The following LIPA variants were observed in gnomAD, a reference collection of about 807,000 sequenced individuals.
LIPA encodes the protein lipase A, lysosomal acid type, also known as lysosomal acid lipase/cholesteryl ester hydrolase.
LIPA carries 26 observed loss-of-function variants against 40.6 expected under a neutral mutation model. That is an observed-to-expected ratio of 0.64 (90% CI 0.47 to 0.89). The LOEUF (loss-of-function observed/expected upper bound fraction) is 0.89. LIPA is among the 40% of genes least tolerant of loss of function. The pLI is 0.00. For synonymous variants in LIPA, 188 were observed against 168.4 expected, an observed-to-expected ratio of 1.12 and a Z score of -0.90; for missense variants, 455 against 479.6, an observed-to-expected ratio of 0.95 and a Z score of 0.48.
At chr10:89,237,982 G>A (rs1842925926) in intron 3 of LIPA, among the ~76,000 whole-genome samples, 2 of 152,144 alleles carry the variant, frequency 1.3e-5, no homozygotes, top group African/African-American at 4.8e-5. Context: ...ACATCATGAA[G>A]GTCTGGAAGA....
chr10:89,215,959 C>T lies in LIPA; in HGVS notation c.945G>A (p.Lys315=), dbSNP rs750883960. 1 of 1,611,258 alleles carries T rather than the reference C, an allele frequency of 6.2e-7. No individual in the cohort carries two copies. Among genetic ancestry groups the T allele is most frequent in the East Asian group, 2.2e-5 (1 of 44,876 alleles). Residue 315 remains lysine (K), a synonymous_variant, in exon 9 of 10, where the codon AAG becomes AAA. Coordinates refer to ENST00000336233, the MANE Select transcript of LIPA (RefSeq NM_000235.4). ...FQAFDWGSSA[K]NYFHYNQSYP... ...TTACCTGGTTGTAATGAAAATAATT[C>T]TTGGCACTGCTTCCCCAGTCAAAGG...
intron 1 of LIPA, chr10:89,308,218 G>C (rs1254250236): frequency 6.6e-6 from 1 of 152,126 alleles, no homozygotes; most frequent in African/African-American, 2.4e-5. Flanking sequence ...TAGGGATAGG[G>C]GAAAAGTAAC....
intron 1 of LIPA, chr10:89,338,947 G>T: frequency 6.2e-7 from 1 of 1,614,122 alleles, no homozygotes; most frequent in Non-Finnish European, 8.5e-7. Context: ...AGTCACTTGG[G>T]GAAACTACGC....
intron 2 of LIPA, chr10:89,403,018 C>A: frequency 1.9e-6 from 3 of 1,614,226 alleles, no homozygotes; most frequent in South Asian, 2.2e-5. Flanking sequence ...GCCAACATGT[C>A]CTCACAGACC....
intron 6 of LIPA, among the ~76,000 whole-genome samples, chr10:89,224,238 T>G (rs1281602232): frequency 6.6e-6 from 1 of 152,244 alleles, no homozygotes; most frequent in Non-Finnish European, 1.5e-5. Flanking sequence ...CCCATCTAAT[T>G]CAATGCTACT....
chr10:89,229,165 T>C (rs886716561), intron 3 of LIPA, among the ~76,000 whole-genome samples: 4 of 152,214 alleles, frequency 2.6e-5, no homozygotes, highest in Admixed American at 1.3e-4. Context: ...AATGGAGTAT[T>C]ACTCAGCCCT....
intron 2 of LIPA, chr10:89,403,059 C>G: frequency 6.2e-7 from 1 of 1,614,144 alleles, no homozygotes; most frequent in African/African-American, 1.3e-5. Context: ...CAAGTTTTAC[C>G]GAAGAAAAGG....
chr10:89,301,912 GA>G (rs945842677), intron 1 of LIPA: 1 of 508,680 alleles, frequency 2.0e-6, no homozygotes, highest in Non-Finnish European at 3.6e-6. Context: ...ATAATAAAAA[GA>G]AAAAAAGAAA....
At chr10:89,359,940 T>A (rs1329047938) in intron 2 of LIPA, among the ~76,000 whole-genome samples, 1 of 152,132 alleles carries the variant, frequency 6.6e-6, no homozygotes, top group Non-Finnish European at 1.5e-5. Context: ...GATCTCTTAT[T>A]GCGTTACCTC....
At chr10:89,254,262 C>A (rs1276618351), upstream of LIPA, among the ~76,000 whole-genome samples, 1 of 152,250 alleles carries the variant, frequency 6.6e-6, no homozygotes, top group Admixed American at 6.5e-5. Context: ...TCAGGCTTTT[C>A]CACACATCCT....
At chr10:89,411,420 T>G (rs1841468339) in intron 2 of LIPA, among the ~76,000 whole-genome samples, 1 of 152,218 alleles carries the variant, frequency 6.6e-6, no homozygotes, top group Non-Finnish European at 1.5e-5. Context: ...CTTAAAATAC[T>G]TACAGAATCA....
intron 1 of LIPA, chr10:89,301,984 G>A: frequency 1.3e-6 from 1 of 752,012 alleles, no homozygotes; most frequent in Non-Finnish European, 2.1e-6. Context: ...CAGCTGAAGG[G>A]AAACAAACAA....
At chr10:89,293,223 G>A (rs756220103) in intron 1 of LIPA, among the ~76,000 whole-genome samples, 56 of 152,110 alleles carry the variant, frequency 3.7e-4, no homozygotes, top group Admixed American at 9.2e-4. Context: ...TGTGAAGAAG[G>A]TGCCTTGCTT....
intron 2 of LIPA, among the ~76,000 whole-genome samples, chr10:89,358,602 T>A (rs1844002149): frequency 6.6e-6 from 1 of 152,192 alleles, no homozygotes; most frequent in Non-Finnish European, 1.5e-5. Flanking sequence ...TAAAAAAGAA[T>A]GAAATCCTGT....
At chr10:89,280,056 T>C (rs1843307489) in intron 1 of LIPA, among the ~76,000 whole-genome samples, 1 of 152,104 alleles carries the variant, frequency 6.6e-6, no homozygotes, top group Non-Finnish European at 1.5e-5. Flanking sequence ...GCCTATTAAA[T>C]GTTGTCCTTG....
intron 7 of LIPA, among the ~76,000 whole-genome samples, chr10:89,223,324 C>T (rs375415188): frequency 9.2e-5 from 14 of 152,124 alleles, no homozygotes; most frequent in East Asian, 3.9e-4. Context: ...CCCTCTCCCT[C>T]CTTCCTTTTG....
At chr10:89,374,342 C>T (rs767073281) in intron 2 of LIPA, among the ~76,000 whole-genome samples, 1 of 150,290 alleles carries the variant, frequency 6.7e-6, no homozygotes, top group Non-Finnish European at 1.5e-5. Context: ...GACACACACA[C>T]ACTCTCTCTC....
At chr10:89,274,527 T>C (rs937187058) in intron 1 of LIPA, among the ~76,000 whole-genome samples, 1 of 152,214 alleles carries the variant, frequency 6.6e-6, no homozygotes, top group African/African-American at 2.4e-5. Flanking sequence ...TCTGAGAAAC[T>C]AGGACACATC....
chr10:89,384,192 T>C (rs775553043), intron 2 of LIPA: 1 of 1,614,150 alleles, frequency 6.2e-7, no homozygotes, highest in Non-Finnish European at 8.5e-7. Context: ...AAATGGGGCT[T>C]TGCTACAGGG....
Sources: gnomAD v4.1 joint callset for allele counts (sites outside exome capture counted in the v4.1 genomes callset) on GRCh38, gnomAD v4.1.1 for gene constraint, MANE v1.5 for transcripts, NCBI Gene and HGNC (gene_info 2026-07-23, HGNC 2026-07-21) for gene names.